The following ZFHX2 variants were observed in gnomAD, a reference collection of about 807,000 sequenced individuals.
The protein encoded by ZFHX2 is zinc finger homeobox protein 2.
A neutral mutation model predicts 164.8 loss-of-function variants in ZFHX2; 75 were observed. The observed-to-expected ratio is 0.46, with a 90% confidence interval of 0.38 to 0.55. The LOEUF is 0.55. Ranked by LOEUF, ZFHX2 falls within the 20% of genes least tolerant of loss-of-function variation. The probability of loss-of-function intolerance (pLI) is 0.00; values close to 1 mark genes in which losing one functional copy is unlikely to be tolerated. For missense variants in ZFHX2, 2,933 were observed against 3,308.0 expected, an observed-to-expected ratio of 0.89 and a Z score of 2.78; for synonymous variants, 1,217 against 1,351.4, an observed-to-expected ratio of 0.90 and a Z score of 2.18.
In ZFHX2 at chr14:23,524,144, G is replaced by T; in HGVS notation, c.5798C>A (p.Ala1933Asp). 3 of 1,535,994 alleles carry T rather than the reference G, an allele frequency of 2.0e-6. No individual in the cohort carries two copies. The highest frequency in any genetic ancestry group is 2.6e-6 in the Non-Finnish European group (3 of 1,146,832). Reference sequence around the variant, plus strand: ...GGGCAAGGATGCAGGGGTGGCTGTGGCAGGCGGTTTCACTGCTGGACTAGG... The same window carrying T: ...GGGCAAGGATGCAGGGGTGGCTGTGTCAGGCGGTTTCACTGCTGGACTAGG... The part of the protein sequence containing the change: ...GVPSPAVKPP[A>D]TATPASLPKF... Residue 1933 changes from alanine (A) to aspartate (D), a missense_variant, in exon 9 of 10, where the codon GCC (alanine) becomes GAC (aspartate). Physicochemically the swap from Ala to Asp is moderately radical, Grantham distance 126. Transcript: ENST00000419474. The surrounding 1 kb of genome is among the most constrained non-coding windows in gnomAD (Gnocchi z 5.6).
chr14:23,537,975 C>A (rs962836492), intron 1 of ZFHX2: 1 of 152,798 alleles, frequency 6.5e-6, no homozygotes, highest in African/African-American at 2.4e-5. Flanking sequence ...ACAGCTCACC[C>A]TCCCTAAGCC....
rs750246996 is a variant in ZFHX2, at chr14:23,526,015, C to T, written c.3927G>A (p.Lys1309=). 3.3e-6 allele frequency: 5 copies of T among 1,534,906 alleles called. 1 individual carries two copies. The South Asian group carries it at 6.0e-5, about 18-fold the overall frequency. Reference sequence around the variant, plus strand: ...ATATGAAGCCACTGGTGTCAGGGCCCTTCTTCTCAGTGCCCACCTCCCCCT... The same window carrying T: ...ATATGAAGCCACTGGTGTCAGGGCCTTTCTTCTCAGTGCCCACCTCCCCCT... ...ETEGEVGTEK[K]GPDTSGFISG... The change falls in exon 9 of 10, where the codon AAG becomes AAA. Residue 1309 remains lysine (K), a synonymous_variant. Coordinates refer to ENST00000419474, the MANE Select transcript of ZFHX2 (RefSeq NM_033400.3).
upstream of ZFHX2, among the ~76,000 whole-genome samples, chr14:23,554,899 A>G (rs1220057230): frequency 1.3e-5 from 2 of 152,198 alleles, no homozygotes; most frequent in East Asian, 3.8e-4. Flanking sequence ...CCAGATAACC[A>G]TAGTCCTCAG....
rs1473748573 is a variant in ZFHX2, at chr14:23,526,461, C to T, written c.3481G>A (p.Glu1161Lys). 3 of 1,536,050 alleles carry T rather than the reference C, an allele frequency of 2.0e-6. No individual in the cohort carries two copies. Among genetic ancestry groups the T allele is most frequent in the African/African-American group, 1.4e-5 (1 of 73,018 alleles). The change falls in exon 9 of 10, where the codon GAG (glutamate) becomes AAG (lysine). Residue 1161 changes from glutamate (E) to lysine (K), a missense_variant. Coordinates refer to ENST00000419474, the MANE Select transcript of ZFHX2 (RefSeq NM_033400.3). ...TGGCGAGAGTCAGCTGGAGCTGGCT[C>T]TGCAGAGCGGAGCTCCCCAGTGGTC... The part of the protein sequence containing the change: ...EGTTGELRSA[E>K]PAPADSRHPL...
At position 23,534,830 on chromosome 14, in the gene ZFHX2, G is replaced by C. The variant is rs577541731; in HGVS notation, c.496C>G (p.Leu166Val). Reference protein sequence around the residue: ...PFLAYPPPSHLTALHIQHGFD... With the variant: ...PFLAYPPPSHVTALHIQHGFD... ...CCATGTTGGATGTGAAGGGCAGTGA[G>C]GTGTGAGGGGGGTGGGTAGGCAAGG... Residue 166 changes from leucine (L) to valine (V), a missense_variant, in exon 2 of 10, where the codon CTC (leucine) becomes GTC (valine). Physicochemically the swap from Leu to Val is conservative, Grantham distance 32. Transcript: ENST00000419474. This position sits in a 1 kb window ranked among gnomAD's most constrained non-coding sequence, Gnocchi z 4.5. 237 of 1,536,192 alleles carry C rather than the reference G, an allele frequency of 1.5e-4. No homozygotes were observed. In the African/African-American group the frequency reaches 3.0e-3, roughly 19 times the overall value.
At chr14:23,530,534 T>A in intron 4 of ZFHX2, 1 of 506,528 alleles carries the variant, frequency 2.0e-6, no homozygotes, top group Non-Finnish European at 3.7e-6. Flanking sequence ...AGAAATGTAG[T>A]AGGAGGGGCA....
intron 1 of ZFHX2, among the ~76,000 whole-genome samples, chr14:23,539,827 G>T (rs1360329733): frequency 6.6e-6 from 1 of 152,186 alleles, no homozygotes; most frequent in African/African-American, 2.4e-5. Context: ...AGTTGGCAGG[G>T]CTAATGGGAC....
chr14:23,527,504 C>G, intron 7 of ZFHX2, 100 bp downstream of exon 7: 1 of 1,449,072 alleles, frequency 6.9e-7, no homozygotes, highest in Non-Finnish European at 9.3e-7. Context: ...GCCCCCTGCC[C>G]CCAACACATG....
In ZFHX2 at chr14:23,521,415, A is replaced by G. The variant is rs1438890400; in HGVS notation, c.*547T>C. ...TTGTGAGCGGTGTGGTGCTCTAGAC[A>G]AAGGGTTAGGAAGGAGAAGAGAGAG... On this transcript the variant is annotated 3_prime_UTR_variant, in exon 10 of 10. Transcript: ENST00000419474. 6.5e-6 allele frequency: 1 copy of G among 153,066 alleles called. No homozygotes were observed. Among genetic ancestry groups the G allele is most frequent in the Non-Finnish European group, 1.5e-5 (1 of 68,676 alleles). 9.5% of individuals were successfully genotyped at this position (153,066 alleles called of 1,614,324 possible). A position where few individuals can be genotyped will look rare whatever the true frequency, so the allele number is the denominator to read the frequency against.
intron 6 of ZFHX2, 178 bp downstream of exon 6, chr14:23,529,532 G>C (rs1317903059): frequency 3.1e-6 from 2 of 642,380 alleles, no homozygotes; most frequent in Non-Finnish European, 5.5e-6. Flanking sequence ...TGCTGGGCCA[G>C]CTCTGCCCCC....
chr14:23,529,729 T>C lies in ZFHX2; in HGVS notation c.2915A>G (p.Asp972Gly), dbSNP rs1208295857. 5 of 1,536,242 alleles carry C rather than the reference T, an allele frequency of 3.3e-6. No homozygotes were observed. The highest frequency in any genetic ancestry group is 4.4e-6 in the Non-Finnish European group (5 of 1,146,928). ...TCTGACCGTGGTCTGGTTGGCACTG[T>C]CTCTGGAAGGGCCAGTCTTGTTTTC... ...ETENKTGPSR[D>G]SANQTTVYCC... is the part of the protein sequence containing the mutation. The change falls in exon 6 of 10, where the codon GAC (aspartate) becomes GGC (glycine). Residue 972 changes from aspartate (D) to glycine (G), a missense_variant. Transcript: ENST00000419474.
In ZFHX2 at chr14:23,532,924, C is replaced by T. The variant is rs1419113629; in HGVS notation, c.2202G>A (p.Leu734=). 4 of 1,536,202 alleles carry T rather than the reference C, an allele frequency of 2.6e-6. No homozygotes were observed. The highest frequency in any genetic ancestry group is 3.5e-6 in the Non-Finnish European group (4 of 1,146,910). The change falls in exon 3 of 10, where the codon CTG becomes CTA. Residue 734 remains leucine, a synonymous_variant. Coordinates refer to ENST00000419474, the MANE Select transcript of ZFHX2 (RefSeq NM_033400.3). ...GGCCTATGCTGCAGTGGTAGAGCAGCAGCTCCAGGCTGTCTGTGCTGAAGG... is the reference window on the plus strand; with the variant it reads ...GGCCTATGCTGCAGTGGTAGAGCAGTAGCTCCAGGCTGTCTGTGCTGAAGG... ...CQAFSTDSLE[L]LLYHCSIGRS...
chr14:23,529,617 G>A (rs1311125566), intron 6 of ZFHX2, 93 bp downstream of exon 6: 1 of 1,253,620 alleles, frequency 8.0e-7, no homozygotes, highest in East Asian at 2.5e-5. Flanking sequence ...ATAAGTCAAA[G>A]CATGACAAAA....
chr14:23,532,597 T>C lies in ZFHX2; in HGVS notation c.2529A>G (p.Ala843=), dbSNP rs572423898. ...AGATTTGGCTGTTTTCTTCGTGGGC[T>C]GCACCCCTGGCATGCAGCTGCATCT... The part of the protein sequence containing the change: ...KEKMQLHARG[A]AHEENSQIYK... Residue 843 remains alanine, a synonymous_variant, in exon 3 of 10, where the codon GCA becomes GCG. Transcript: ENST00000419474. 2.5e-5 allele frequency: 36 copies of C among 1,447,544 alleles called. No individual in the cohort carries two copies. The Admixed American group carries it at 9.0e-4, about 36-fold the overall frequency. The allele number at this position is 1,447,544 out of a possible 1,614,324, so 89.7% of individuals were successfully genotyped here. A position where few individuals can be genotyped will look rare whatever the true frequency, so the allele number is the denominator to read the frequency against.
rs532073790 is a variant in ZFHX2 at position 23,546,764 on chromosome 14, G to A, written c.-50+4579C>T. Among the ~76,000 whole-genome samples, 1 of 152,250 alleles carries A rather than the reference G, an allele frequency of 6.6e-6. No homozygotes were observed. The highest frequency in any genetic ancestry group is 2.1e-4 in the South Asian group (1 of 4,830). Reference sequence around the variant, plus strand: ...AATGAAATGAGTTTCTAACGGTGAGGTAAAGGACCACTGTGTCGACAGCCT... The same window carrying A: ...AATGAAATGAGTTTCTAACGGTGAGATAAAGGACCACTGTGTCGACAGCCT... On this transcript the variant is annotated intron_variant, in intron 1 of 9. Coordinates refer to ENST00000419474, the MANE Select transcript of ZFHX2 (RefSeq NM_033400.3). This position sits in a 1 kb window ranked among gnomAD's most constrained non-coding sequence, Gnocchi z 4.7.
At chr14:23,555,193 T>G (rs1882264026), upstream of ZFHX2, among the ~76,000 whole-genome samples, 1 of 151,782 alleles carries the variant, frequency 6.6e-6, no homozygotes, top group African/African-American at 2.4e-5. Flanking sequence ...CCGGGGGGGT[T>G]TCTCCATGTT....
intron 1 of ZFHX2, among the ~76,000 whole-genome samples, chr14:23,544,559 G>A (rs900100506): frequency 4.6e-5 from 7 of 152,180 alleles, no homozygotes; most frequent in Non-Finnish European, 5.9e-5. Flanking sequence ...CCATGTACAC[G>A]TGTGTGGGCC....
chr14:23,532,446 A>G, intron 3 of ZFHX2, 121 bp downstream of exon 3: 6 of 1,228,798 alleles, frequency 4.9e-6, no homozygotes, highest in Non-Finnish European at 6.4e-6. Flanking sequence ...TACCTGGTGC[A>G]TACTTTCCTT....
chr14:23,527,243 C>T (rs2138703166), intron 7 of ZFHX2, among the ~76,000 whole-genome samples: 1 of 152,310 alleles, frequency 6.6e-6, no homozygotes. Flanking sequence ...ACCTGCTGTT[C>T]AACAACTCTT....
Sources: allele counts gnomAD v4.1 joint callset (sites outside exome capture counted in the v4.1 genomes callset), GRCh38; gene constraint gnomAD v4.1.1; non-coding constraint Gnocchi (gnomAD v3.1); transcripts MANE v1.5; gene names NCBI Gene and HGNC (gene_info 2026-07-23, HGNC 2026-07-21).